The following DLGAP2 variants were observed in gnomAD, a reference collection of about 807,000 sequenced individuals.
The protein encoded by DLGAP2 is disks large-associated protein 2.
A neutral mutation model predicts 100.3 loss-of-function variants in DLGAP2; 26 were observed. The ratio of observed to expected loss-of-function variants is 0.26; its 90% CI spans 0.19 to 0.36. DLGAP2 has a LOEUF of 0.36. DLGAP2 is among the 10% of genes least tolerant of loss of function. DLGAP2 has a pLI of 1.00. For synonymous variants in DLGAP2, 886 were observed against 630.1 expected (o/e 1.41, Z -6.08); for missense variants, 1,858 against 1,453.2 (o/e 1.28, Z -4.53).
chr8:1,368,026 T>G (rs1013782219), intron 3 of DLGAP2, among the ~76,000 whole-genome samples: 2 of 152,212 alleles, frequency 1.3e-5, no homozygotes, highest in Non-Finnish European at 2.9e-5. Context: ...GGTTTTATTT[T>G]GGGGATTGAC....
At chr8:1,641,807 T>A (rs1412951658) in intron 8 of DLGAP2, among the ~76,000 whole-genome samples, 1 of 152,102 alleles carries the variant, frequency 6.6e-6, no homozygotes. Context: ...GTGAATAAAT[T>A]AGTCATTTCA....
chr8:1,321,423 G>A (rs1364611552), intron 3 of DLGAP2, among the ~76,000 whole-genome samples: 2 of 152,260 alleles, frequency 1.3e-5, no homozygotes, highest in East Asian at 1.9e-4. Context: ...ATGTGTCTGT[G>A]TGTGCTTGCA....
chr8:1,425,529 C>T (rs559133516), intron 3 of DLGAP2, among the ~76,000 whole-genome samples: 73 of 152,308 alleles, frequency 4.8e-4, no homozygotes, highest in African/African-American at 1.7e-3. Context: ...CAGCTGAGTG[C>T]ATCCCTGCAG....
chr8:1,652,207 C>T (rs1487051455), intron 8 of DLGAP2, among the ~76,000 whole-genome samples: 1 of 152,164 alleles, frequency 6.6e-6, no homozygotes, highest in Non-Finnish European at 1.5e-5. Context: ...TTACGCACAC[C>T]GAGGTTCTTA....
chr8:1,417,104 G>T lies in DLGAP2; in HGVS notation c.107-84262G>T, dbSNP rs1339096151. On this transcript the variant is annotated intron_variant, in intron 3 of 14. Transcript: ENST00000637795. ...GCGGGGGTGGGGGGATGGGGGGGTG[G>T]GGGGGAGACCCCCGTTCATTCATTT... Among the ~76,000 whole-genome samples the T allele has an allele frequency of 1.0e-3, 75 of 74,056 alleles. 7 individuals carry two copies. Among genetic ancestry groups the T allele is most frequent in the Middle Eastern group, 6.2e-3 (1 of 162 alleles). The allele number at this position is 74,056 out of a possible 152,430, so 48.6% of individuals were successfully genotyped here.
intron 3 of DLGAP2, among the ~76,000 whole-genome samples, chr8:1,349,861 C>T (rs1324949869): frequency 6.6e-6 from 1 of 152,218 alleles, no homozygotes; most frequent in Non-Finnish European, 1.5e-5. Context: ...AAATTCTGTA[C>T]CTCAGTTACA....
chr8:825,294 G>A lies in DLGAP2; in HGVS notation c.19-82618G>A, dbSNP rs1289331731. ...TGTGCTGTTAGATTCTACCTTGGGA[G>A]GGTGGAGCTTTCTGTGGGAAACTGT... is the stretch of plus-strand genomic sequence containing the variant. On this transcript the variant is annotated intron_variant, in intron 1 of 14. Coordinates refer to ENST00000637795, the MANE Select transcript of DLGAP2 (RefSeq NM_001346810.2). 3.3e-5 allele frequency among the ~76,000 whole-genome samples: 5 copies of A among 152,350 alleles called. No homozygotes were observed. In the South Asian group the frequency reaches 6.2e-4, roughly 19 times the overall value.
At chr8:952,465 C>T (rs563342821) in intron 2 of DLGAP2, among the ~76,000 whole-genome samples, 54 of 152,132 alleles carry the variant, frequency 3.5e-4, no homozygotes, top group African/African-American at 1.2e-3. Flanking sequence ...GGTGAAACCC[C>T]GTCTCTACTA....
At chr8:1,674,269 G>A (rs976831486) in intron 10 of DLGAP2, among the ~76,000 whole-genome samples, 12 of 151,942 alleles carry the variant, frequency 7.9e-5, no homozygotes, top group African/African-American at 1.2e-4. Context: ...GGTCTCTAAC[G>A]CCTAGGCTCA....
intron 2 of DLGAP2, among the ~76,000 whole-genome samples, chr8:1,060,206 T>C (rs1449261730): frequency 6.6e-6 from 1 of 152,104 alleles, no homozygotes; most frequent in Non-Finnish European, 1.5e-5. Flanking sequence ...ACAGACTGGG[T>C]GGCTGAAGGT....
chr8:1,361,167 AAC>A, intron 3 of DLGAP2, among the ~76,000 whole-genome samples: 1 of 152,126 alleles, frequency 6.6e-6, no homozygotes, highest in Non-Finnish European at 1.5e-5. Flanking sequence ...CCAGATTTGC[AAC>A]AGTGTCTGCA....
chr8:1,555,864 T>C (rs886746), intron 5 of DLGAP2, among the ~76,000 whole-genome samples: 71,699 of 152,124 alleles, frequency 0.47, 17,223 homozygotes, highest in Middle Eastern at 0.61. Flanking sequence ...TGGCTAGCCT[T>C]GTGTCTGGTA....
intron 2 of DLGAP2, among the ~76,000 whole-genome samples, chr8:1,150,577 A>G (rs1448607745): frequency 6.6e-6 from 1 of 152,226 alleles, no homozygotes; most frequent in African/African-American, 2.4e-5. Context: ...CCTCATTCCT[A>G]TGAATCTACT....
In DLGAP2 at chr8:1,311,568, G is replaced by T. The variant is rs73670727; in HGVS notation, c.106+52685G>T. Among the ~76,000 whole-genome samples the T allele has an allele frequency of 1.4e-3, 210 of 152,250 alleles. 1 individual carries two copies. Among genetic ancestry groups the T allele is most frequent in the African/African-American group, 4.8e-3 (201 of 41,530 alleles). On this transcript the variant is annotated intron_variant, in intron 3 of 14. Transcript: ENST00000637795. ...ACTTAATCCAACAGTGTATTAAAAG[G>T]TTTAGACTTGTCATCAGGTGGGATT...
chr8:743,519 T>G (rs1820539246), intron 1 of DLGAP2, among the ~76,000 whole-genome samples: 2 of 152,216 alleles, frequency 1.3e-5, no homozygotes, highest in Non-Finnish European at 2.9e-5. Context: ...AAAGCAAAAC[T>G]CACATGCACA....
chr8:1,302,102 A>C (rs975267802), intron 3 of DLGAP2: 1 of 152,352 alleles, frequency 6.6e-6, no homozygotes, highest in Non-Finnish European at 1.5e-5. Flanking sequence ...AGGGAAGCAG[A>C]AGCTCTATAA....
intron 6 of DLGAP2, among the ~76,000 whole-genome samples, chr8:1,617,168 A>G (rs985387091): frequency 6.6e-6 from 1 of 152,164 alleles, no homozygotes; most frequent in East Asian, 1.9e-4. Flanking sequence ...TGTTTTTGCT[A>G]TAGTGAATAG....
rs1241118262 is a variant in DLGAP2 at position 1,682,664 on chromosome 8, G to A, written c.2704+4035G>A. ...TAATTTTGTATTTTTAGTAGAGATGGAGTTTCACCATGTTGGCCAGGATAA... is the reference window on the plus strand; with the variant it reads ...TAATTTTGTATTTTTAGTAGAGATGAAGTTTCACCATGTTGGCCAGGATAA... On this transcript the variant is annotated intron_variant, in intron 12 of 14. Transcript: ENST00000637795. 2.6e-5 allele frequency among the ~76,000 whole-genome samples: 4 copies of A among 151,340 alleles called. No homozygotes were observed. The South Asian group carries it at 6.3e-4, about 24-fold the overall frequency.
At chr8:1,483,884 T>C (rs1363418618) in intron 3 of DLGAP2, among the ~76,000 whole-genome samples, 5 of 152,196 alleles carry the variant, frequency 3.3e-5, no homozygotes, top group African/African-American at 1.2e-4. Flanking sequence ...TGCCTGTTAG[T>C]TTCAAACATA....
Sources: allele counts gnomAD v4.1 joint callset (sites outside exome capture counted in the v4.1 genomes callset), GRCh38; gene constraint gnomAD v4.1.1; transcripts MANE v1.5; gene names NCBI Gene and HGNC (gene_info 2026-07-23, HGNC 2026-07-21).